CTNND2: variants seen among roughly 807,000 people sequenced by gnomAD.
CTNND2 encodes catenin delta 2.
A neutral mutation model predicts 144.4 loss-of-function variants in CTNND2; 22 were observed. The observed-to-expected ratio is 0.15, with a 90% confidence interval of 0.11 to 0.22. The LOEUF is 0.22. Among genes scored for constraint, CTNND2 ranks in the 10% least tolerant of loss-of-function variants. CTNND2 has a pLI of 1.00. For missense variants in CTNND2, 1,353 were observed against 1,618.8 expected, an observed-to-expected ratio of 0.84 and a Z score of 2.82; for synonymous variants, 751 against 695.6, an observed-to-expected ratio of 1.08 and a Z score of -1.25.
chr5:11,546,683 A>G (rs1775264818), intron 3 of CTNND2, among the ~76,000 whole-genome samples: 1 of 152,224 alleles, frequency 6.6e-6, no homozygotes, highest in Non-Finnish European at 1.5e-5. Context: ...CGAACAACAC[A>G]AAACCTTTCT....
rs149804778 is a variant in CTNND2 at position 11,692,224 on chromosome 5, T to C, written c.174+39912A>G. ...CTGGTTAATTCTGGGCACATAACTA[T>C]TAGGGGTTTTTATTTTTTCCCTTTT... On this transcript the variant is annotated intron_variant, in intron 2 of 21. Transcript: ENST00000304623. Among the ~76,000 whole-genome samples, 633 of 152,352 alleles carry C rather than the reference T, an allele frequency of 4.2e-3. 4 individuals are homozygous for C. The highest frequency in any genetic ancestry group is 7.8e-3 in the Non-Finnish European group (529 of 68,036).
At chr5:11,514,415 G>A (rs1423426742) in intron 3 of CTNND2, among the ~76,000 whole-genome samples, 1 of 151,988 alleles carries the variant, frequency 6.6e-6, no homozygotes. Context: ...CTGACAGCTG[G>A]CTGTATTCAT....
intron 11 of CTNND2, among the ~76,000 whole-genome samples, chr5:11,183,715 G>A (rs1342586424): frequency 1.3e-5 from 2 of 152,030 alleles, no homozygotes; most frequent in South Asian, 2.1e-4. Flanking sequence ...CTGCCACCGT[G>A]CCTGGCTAAT....
chr5:11,780,161 C>G (rs947314593), intron 1 of CTNND2, among the ~76,000 whole-genome samples: 1 of 152,162 alleles, frequency 6.6e-6, no homozygotes, highest in Non-Finnish European at 1.5e-5. Flanking sequence ...CTGAAGCTGA[C>G]CGCCTCTGGG....
At chr5:11,206,197 A>G (rs1253562552) in intron 10 of CTNND2, among the ~76,000 whole-genome samples, 1 of 148,352 alleles carries the variant, frequency 6.7e-6, no homozygotes, top group African/African-American at 2.4e-5. Flanking sequence ...AACTGGATTT[A>G]GGATGTACGG....
chr5:11,597,051 T>C (rs1053054475), intron 2 of CTNND2, among the ~76,000 whole-genome samples: 8 of 152,182 alleles, frequency 5.3e-5, no homozygotes, highest in African/African-American at 1.9e-4. Context: ...GCGGAATCTC[T>C]GACGATAAAA....
intron 2 of CTNND2, among the ~76,000 whole-genome samples, chr5:11,587,119 C>T (rs750821821): frequency 6.6e-6 from 1 of 152,050 alleles, no homozygotes; most frequent in Non-Finnish European, 1.5e-5. Context: ...ATCTATTAGA[C>T]TGATTTACAA....
At chr5:11,168,342 C>A (rs1759557379) in intron 11 of CTNND2, among the ~76,000 whole-genome samples, 1 of 152,182 alleles carries the variant, frequency 6.6e-6, no homozygotes, top group African/African-American at 2.4e-5. Context: ...AAGCTCTTCA[C>A]ACAGTAGTTT....
chr5:11,653,936 G>A (rs1271358321), intron 2 of CTNND2, among the ~76,000 whole-genome samples: 5 of 151,784 alleles, frequency 3.3e-5, no homozygotes, highest in African/African-American at 1.2e-4. Flanking sequence ...AAGATTAAGG[G>A]TTCAATTTCA....
intron 8 of CTNND2, 140 bp downstream of exon 8, chr5:11,364,556 G>T: frequency 1.7e-6 from 1 of 588,822 alleles, no homozygotes; most frequent in Middle Eastern, 4.6e-4. Flanking sequence ...TATCATTACA[G>T]ACATTGATAG....
intron 1 of CTNND2, among the ~76,000 whole-genome samples, chr5:11,839,609 G>T (rs767284363): frequency 1.1e-4 from 17 of 152,132 alleles, no homozygotes; most frequent in Non-Finnish European, 1.8e-4. Flanking sequence ...GACACAAACA[G>T]CTGGGAGCTG....
intron 1 of CTNND2, among the ~76,000 whole-genome samples, chr5:11,812,031 T>A (rs1380989144): frequency 3.3e-5 from 5 of 152,246 alleles, no homozygotes; most frequent in African/African-American, 4.8e-5. Flanking sequence ...CATGGTAATG[T>A]AGCCATCAAA....
At chr5:11,373,600 G>A (rs1237781957) in intron 7 of CTNND2, among the ~76,000 whole-genome samples, 1 of 152,168 alleles carries the variant, frequency 6.6e-6, no homozygotes, top group African/African-American at 2.4e-5. Flanking sequence ...TTCCAGACCA[G>A]GACCTCAGGG....
intron 12 of CTNND2, among the ~76,000 whole-genome samples, chr5:11,129,127 A>G (rs1315437473): frequency 2.6e-5 from 1 of 38,430 alleles, no homozygotes. Context: ...TATATAATAT[A>G]TATTTATATA....
At chr5:11,281,731 C>T (rs1469758187) in intron 9 of CTNND2, among the ~76,000 whole-genome samples, 6 of 152,180 alleles carry the variant, frequency 3.9e-5, no homozygotes, top group African/African-American at 9.7e-5. Flanking sequence ...TCTGTGTATG[C>T]GCACCCTTGA....
At position 11,861,429 on chromosome 5, in the gene CTNND2, T is replaced by G. The variant is rs573683175; in HGVS notation, c.37+42388A>C. Among the ~76,000 whole-genome samples the G allele has an allele frequency of 2.0e-5, 3 of 152,348 alleles. No homozygotes were observed. In the South Asian group the frequency reaches 6.2e-4, roughly 32 times the overall value. The stretch of plus-strand genomic sequence containing the variant: ...TCCTTCCAGTTGCTATGCCAAAAAC[T>G]GGGAGTCATCTTTTATCCAGCTATT... On this transcript the variant is annotated intron_variant, in intron 1 of 21. Transcript: ENST00000304623.
rs542358147 is a variant in CTNND2, at chr5:11,507,723, G to C, written c.287+57221C>G. Among the ~76,000 whole-genome samples, 59 of 152,298 alleles carry C rather than the reference G, an allele frequency of 3.9e-4. 1 individual carries two copies. Among genetic ancestry groups the C allele is most frequent in the African/African-American group, 1.4e-3 (57 of 41,560 alleles). On this transcript the variant is annotated intron_variant, in intron 3 of 21. Transcript: ENST00000304623. ...AGACAGCACAGGGTCCTGTCCCACAGCCTGGAGTTGGAGGACAAGTGGCTG... is the reference window on the plus strand; with the variant it reads ...AGACAGCACAGGGTCCTGTCCCACACCCTGGAGTTGGAGGACAAGTGGCTG...
intron 3 of CTNND2, among the ~76,000 whole-genome samples, chr5:11,490,151 G>T (rs1418607027): frequency 1.3e-5 from 2 of 152,252 alleles, no homozygotes; most frequent in African/African-American, 2.4e-5. Context: ...CACAGAGCTT[G>T]CAACCACATT....
intron 12 of CTNND2, among the ~76,000 whole-genome samples, chr5:11,158,443 G>A (rs1003940507): frequency 6.6e-6 from 1 of 152,118 alleles, no homozygotes; most frequent in South Asian, 2.1e-4. Context: ...GAGAAATCAC[G>A]TCAGATGTTC....
Sources: gnomAD v4.1 joint callset for allele counts (sites outside exome capture counted in the v4.1 genomes callset) on GRCh38, gnomAD v4.1.1 for gene constraint, MANE v1.5 for transcripts, NCBI Gene and HGNC (gene_info 2026-07-23, HGNC 2026-07-21) for gene names.